The following NBAS variants were observed in gnomAD, a reference collection of about 807,000 sequenced individuals.
NBAS encodes the protein NBAS subunit of NRZ tethering complex.
A neutral mutation model predicts 302.5 loss-of-function variants in NBAS; 219 were observed. The ratio of observed to expected loss-of-function variants is 0.72; its 90% CI spans 0.65 to 0.81. The LOEUF is 0.81. Among genes scored for constraint, NBAS ranks in the 30% least tolerant of loss-of-function variants. The pLI, the probability that NBAS is intolerant of heterozygous loss-of-function variation, is 0.00. For missense variants in NBAS, 2,932 were observed against 2,841.6 expected, an observed-to-expected ratio of 1.03 and a Z score of -0.72; for synonymous variants, 1,118 against 1,021.6, an observed-to-expected ratio of 1.09 and a Z score of -1.80.
the NBAS span, among the ~76,000 whole-genome samples, chr2:14,918,582 A>C: frequency 6.6e-6 from 1 of 152,222 alleles, no homozygotes; most frequent in African/African-American, 2.4e-5. Context: ...AGATGCAAAG[A>C]GCCTGATGCC....
chr2:15,199,390 A>G (rs1460539606), intron 48 of NBAS, among the ~76,000 whole-genome samples: 2 of 152,156 alleles, frequency 1.3e-5, no homozygotes, highest in South Asian at 2.1e-4. Flanking sequence ...GGACCTAGAA[A>G]AGAATCAAAT....
chr2:15,354,568 A>G (rs1000530554), intron 33 of NBAS, among the ~76,000 whole-genome samples: 1 of 152,224 alleles, frequency 6.6e-6, no homozygotes, highest in African/African-American at 2.4e-5. Context: ...ATGTTGCAAA[A>G]TCACTCGGTT....
intron 42 of NBAS, among the ~76,000 whole-genome samples, chr2:15,285,515 T>C (rs1669997586): frequency 6.6e-6 from 1 of 152,196 alleles, no homozygotes. Flanking sequence ...AACATCACTA[T>C]TTCTCATCTA....
At chr2:15,434,737 T>C (rs961513323) in intron 21 of NBAS, among the ~76,000 whole-genome samples, 4 of 152,094 alleles carry the variant, frequency 2.6e-5, no homozygotes, top group African/African-American at 9.7e-5. Flanking sequence ...AGGTTCGAGG[T>C]TGCCAGTATT....
chr2:15,552,288 T>C (rs759075116), intron 5 of NBAS, among the ~76,000 whole-genome samples: 15 of 152,204 alleles, frequency 9.9e-5, no homozygotes, highest in Non-Finnish European at 1.5e-4. Context: ...TAAACTTTGC[T>C]ATGTGCACCC....
At chr2:15,074,521 CAAG>C in the NBAS span, among the ~76,000 whole-genome samples, 2 of 151,326 alleles carry the variant, frequency 1.3e-5, no homozygotes, top group African/African-American at 4.9e-5. Flanking sequence ...CTTATATAGA[CAAG>C]AAGTCACAAA....
At chr2:15,134,462 TTC>T in the NBAS span, among the ~76,000 whole-genome samples, 3 of 151,872 alleles carry the variant, frequency 2.0e-5, no homozygotes, top group African/African-American at 7.3e-5. Context: ...CTCTCTCTCT[TTC>T]TCTCTCTGTC....
chr2:15,231,593 A>G (rs993827025), intron 47 of NBAS, among the ~76,000 whole-genome samples: 1 of 152,230 alleles, frequency 6.6e-6, no homozygotes, highest in African/African-American at 2.4e-5. Context: ...ACAAAGATCA[A>G]TGGAAAGTCT....
intron 48 of NBAS, among the ~76,000 whole-genome samples, chr2:15,192,681 G>A (rs1486158095): frequency 6.6e-6 from 1 of 152,096 alleles, no homozygotes; most frequent in Non-Finnish European, 1.5e-5. Flanking sequence ...TTTTCTTCCT[G>A]CAGGATAATC....
the NBAS span, among the ~76,000 whole-genome samples, chr2:14,873,950 A>G: frequency 6.6e-6 from 1 of 152,160 alleles, no homozygotes; most frequent in Non-Finnish European, 1.5e-5. Flanking sequence ...GACGACAAAG[A>G]TAACATGATA....
the NBAS span, among the ~76,000 whole-genome samples, chr2:15,114,604 T>C: frequency 2.8e-4 from 42 of 152,068 alleles, no homozygotes; most frequent in East Asian, 5.2e-3. Context: ...AAATAAACAG[T>C]TGGATGATAA....
At chr2:14,939,246 A>G in the NBAS span, among the ~76,000 whole-genome samples, 1 of 152,236 alleles carries the variant, frequency 6.6e-6, no homozygotes, top group Non-Finnish European at 1.5e-5. Flanking sequence ...CTGTTCTATT[A>G]CATGTAGCTT....
chr2:15,076,753 C>G, the NBAS span, among the ~76,000 whole-genome samples: 1 of 141,886 alleles, frequency 7.0e-6, no homozygotes, highest in Non-Finnish European at 1.5e-5. Flanking sequence ...ATGTTCAAGG[C>G]CAACAGCTGT....
chr2:14,871,174 C>A, the NBAS span, among the ~76,000 whole-genome samples: 2 of 150,362 alleles, frequency 1.3e-5, no homozygotes, highest in Non-Finnish European at 3.0e-5. Flanking sequence ...AGAGGCCTAA[C>A]ATACCTATAA....
intron 38 of NBAS, among the ~76,000 whole-genome samples, chr2:15,327,504 A>G (rs1371828623): frequency 6.6e-6 from 1 of 152,230 alleles, no homozygotes; most frequent in Non-Finnish European, 1.5e-5. Flanking sequence ...AGCCAGTTAA[A>G]GATAGGAATG....
the NBAS span, among the ~76,000 whole-genome samples, chr2:15,120,748 G>T: frequency 6.6e-6 from 1 of 152,238 alleles, no homozygotes; most frequent in African/African-American, 2.4e-5. Flanking sequence ...GGAGAAAGGA[G>T]AATTGGGCAG....
chr2:15,379,858 G>C (rs759279905), intron 29 of NBAS, 27 bp from the exon 30 acceptor site: 2 of 1,592,240 alleles, frequency 1.3e-6, no homozygotes, highest in South Asian at 2.2e-5. Flanking sequence ...ACTGGAATTA[G>C]TTATAGAGAG....
At chr2:14,953,125 T>C in the NBAS span, among the ~76,000 whole-genome samples, 1 of 152,124 alleles carries the variant, frequency 6.6e-6, no homozygotes, top group Non-Finnish European at 1.5e-5. Context: ...TGACTGGCCC[T>C]GGTTAGAGTG....
At chr2:15,548,211 G>T (rs1031229065) in intron 6 of NBAS, among the ~76,000 whole-genome samples, 1 of 152,130 alleles carries the variant, frequency 6.6e-6, no homozygotes, top group Non-Finnish European at 1.5e-5. Flanking sequence ...ACTTGATACG[G>T]TCAAAAATTG....
Sources: gnomAD v4.1 joint callset for allele counts (sites outside exome capture counted in the v4.1 genomes callset) on GRCh38, gnomAD v4.1.1 for gene constraint, MANE v1.5 for transcripts, NCBI Gene and HGNC (gene_info 2026-07-23, HGNC 2026-07-21) for gene names.